The following JAK2 variants were observed in gnomAD, a reference collection of about 807,000 sequenced individuals.
JAK2 encodes the protein Janus kinase 2, also known as tyrosine-protein kinase JAK2.
In JAK2, 86 loss-of-function variants were observed where a neutral mutation model predicts 139.3. The observed-to-expected ratio is 0.62, with a 90% CI of 0.52 to 0.74. The LOEUF is 0.74. JAK2 is among the 30% of genes least tolerant of loss of function. The pLI is 0.00. For missense variants in JAK2, 1,421 were observed against 1,360.3 expected (o/e 1.04, Z -0.70); for synonymous variants, 490 against 437.7 (o/e 1.12, Z -1.49).
At chr9:5,026,255 T>C (rs976513016) in intron 3 of JAK2, among the ~76,000 whole-genome samples, 1 of 152,196 alleles carries the variant, frequency 6.6e-6, no homozygotes, top group Non-Finnish European at 1.5e-5. Context: ...TTTTAGTACA[T>C]GATATTGGTA....
intron 13 of JAK2, 91 bp downstream of exon 13, chr9:5,072,717 C>CA (rs1166406109): frequency 6.1e-6 from 6 of 976,344 alleles, no homozygotes; most frequent in Non-Finnish European, 8.4e-6. Flanking sequence ...TGCAGCTTTT[C>CA]AAAATTGTAA....
chr9:4,986,417 T>A (rs909082972), intron 2 of JAK2, among the ~76,000 whole-genome samples: 2 of 152,228 alleles, frequency 1.3e-5, no homozygotes, highest in South Asian at 2.1e-4. Flanking sequence ...ACATTGAATG[T>A]TTCCTCATGG....
chr9:5,074,372 T>G (rs1166815715), intron 14 of JAK2, among the ~76,000 whole-genome samples: 2 of 152,196 alleles, frequency 1.3e-5, no homozygotes, highest in African/African-American at 4.8e-5. Flanking sequence ...CAACCCAGTG[T>G]CTAGCAACTC....
intron 10 of JAK2, among the ~76,000 whole-genome samples, chr9:5,067,242 C>T (rs1384908481): frequency 1.3e-5 from 2 of 152,108 alleles, no homozygotes; most frequent in Non-Finnish European, 2.9e-5. Flanking sequence ...CATTAAAGCA[C>T]TTTTAACTGA....
At chr9:5,116,034 G>T (rs897350291) in intron 22 of JAK2, among the ~76,000 whole-genome samples, 1 of 151,790 alleles carries the variant, frequency 6.6e-6, no homozygotes, top group African/African-American at 2.4e-5. Flanking sequence ...TTCTGCACAT[G>T]TATCCCAAAA....
Position 5,090,638 on chromosome 9 carries a change from C to T in JAK2, c.2886+68C>T, listed in dbSNP as rs989111201. The T allele has an allele frequency of 4.6e-6, 7 of 1,525,490 alleles. No homozygotes were observed. In the African/African-American group the frequency reaches 9.8e-5, roughly 21 times the overall value. The allele number at this position is 1,525,490 out of a possible 1,614,324, so 94.5% of individuals were successfully genotyped here. A position where few individuals can be genotyped will look rare whatever the true frequency, so the allele number is the denominator to read the frequency against. On this transcript the variant is annotated intron_variant, in intron 21 of 24. Coordinates refer to ENST00000381652, the MANE Select transcript of JAK2 (RefSeq NM_004972.4). The stretch of plus-strand genomic sequence containing the variant: ...GTTGAAGTAGACATTAGGAAATCAT[C>T]TAGACGTTTTCATAGATAATAAAGG...
At chr9:5,114,829 C>T (rs903082781) in intron 22 of JAK2, 7 of 273,580 alleles carry the variant, frequency 2.6e-5, no homozygotes, top group Non-Finnish European at 5.0e-5. Flanking sequence ...TTCCTCCCCA[C>T]TAGGGCTCTG....
At chr9:5,087,491 C>G (rs1319788407) in intron 19 of JAK2, among the ~76,000 whole-genome samples, 2 of 58,490 alleles carry the variant, frequency 3.4e-5, no homozygotes, top group Non-Finnish European at 5.8e-5. Context: ...TACTTGATTT[C>G]TTTCCTGGTC....
intron 8 of JAK2, among the ~76,000 whole-genome samples, chr9:5,059,972 A>T (rs1818039807): frequency 6.6e-6 from 1 of 152,178 alleles, no homozygotes; most frequent in African/African-American, 2.4e-5. Flanking sequence ...ATATAGACAT[A>T]CGTCAGAGAT....
Position 5,081,759 on chromosome 9 carries a change from A to C in JAK2, c.2469A>C (p.Pro823=). The C allele has an allele frequency of 6.2e-7, 1 of 1,601,076 alleles. No homozygotes were observed. Among genetic ancestry groups the C allele is most frequent in the Non-Finnish European group, 8.6e-7 (1 of 1,168,290 alleles). ...YELLTENDML[P]NMRIGALGFS... is the part of the protein sequence containing the mutation. Reference sequence around the variant, plus strand: ...TATTAACAGAAAATGACATGTTACCAAATATGAGGATAGGTGCCCTGGGGT... The same window carrying C: ...TATTAACAGAAAATGACATGTTACCCAATATGAGGATAGGTGCCCTGGGGT... The change falls in exon 19 of 25, where the codon CCA becomes CCC. Residue 823 remains proline (P), a synonymous_variant. Coordinates refer to ENST00000381652, the MANE Select transcript of JAK2 (RefSeq NM_004972.4).
At chr9:5,121,690 G>T (rs1823626131) in intron 22 of JAK2, among the ~76,000 whole-genome samples, 1 of 152,154 alleles carries the variant, frequency 6.6e-6, no homozygotes, top group Admixed American at 6.6e-5. Context: ...AAAAGACAAA[G>T]AATTTACAAG....
intron 12 of JAK2, among the ~76,000 whole-genome samples, chr9:5,070,748 C>T (rs893187467): frequency 1.3e-5 from 2 of 151,954 alleles, no homozygotes; most frequent in African/African-American, 4.8e-5. Flanking sequence ...TGGACCTGTG[C>T]AGTCCAAACC....
chr9:5,034,741 G>C (rs1823442912), intron 4 of JAK2, among the ~76,000 whole-genome samples: 1 of 152,096 alleles, frequency 6.6e-6, no homozygotes, highest in Admixed American at 6.5e-5. Context: ...TCAAAGCAGT[G>C]TGTAGAGGGA....
intron 8 of JAK2, among the ~76,000 whole-genome samples, chr9:5,059,720 G>T (rs935960883): frequency 2.6e-5 from 4 of 152,080 alleles, no homozygotes; most frequent in African/African-American, 9.7e-5. Flanking sequence ...AATTTTGTCA[G>T]TCTAAAAATG....
In JAK2 at chr9:5,128,739, A is replaced by C. The variant is rs75826419; in HGVS notation, c.*1948A>C. 4.0e-5 allele frequency among the ~76,000 whole-genome samples: 6 copies of C among 151,880 alleles called. No individual in the cohort carries two copies. Among genetic ancestry groups the C allele is most frequent in the Non-Finnish European group, 5.9e-5 (4 of 67,860 alleles). On this transcript the variant is annotated 3_prime_UTR_variant, in exon 25 of 25. Coordinates refer to ENST00000381652, the MANE Select transcript of JAK2 (RefSeq NM_004972.4). The stretch of plus-strand genomic sequence containing the variant: ...AGACTTCTTTTCATTGAGGCTTCGT[A>C]AAGTTTTCCATTTTGATTCTGACTA...
intron 22 of JAK2, among the ~76,000 whole-genome samples, chr9:5,113,335 T>G (rs1438813574): frequency 6.8e-6 from 1 of 148,138 alleles, no homozygotes; most frequent in Non-Finnish European, 1.5e-5. Context: ...GGAGATGCTG[T>G]GGAAACTTGG....
intron 19 of JAK2, among the ~76,000 whole-genome samples, chr9:5,084,475 A>G (rs974202744): frequency 3.9e-5 from 6 of 152,142 alleles, no homozygotes; most frequent in Non-Finnish European, 5.9e-5. Flanking sequence ...AAAATATTCC[A>G]AAGAGGGATA....
At chr9:5,124,623 A>G (rs1202692141) in intron 23 of JAK2, among the ~76,000 whole-genome samples, 1 of 151,916 alleles carries the variant, frequency 6.6e-6, no homozygotes. Flanking sequence ...AAAAAGAACA[A>G]AGCTGGAAGC....
intron 3 of JAK2, among the ~76,000 whole-genome samples, chr9:5,024,006 C>T (rs992091852): frequency 6.6e-5 from 10 of 152,038 alleles, no homozygotes; most frequent in African/African-American, 2.2e-4. Flanking sequence ...CCTGTAATCC[C>T]AGCACTTTGG....
Sources: gnomAD v4.1 joint callset for allele counts (sites outside exome capture counted in the v4.1 genomes callset) on GRCh38, gnomAD v4.1.1 for gene constraint, MANE v1.5 for transcripts, NCBI Gene and HGNC (gene_info 2026-07-23, HGNC 2026-07-21) for gene names.